Variants in ANXA13 observed in about 807,000 individuals in gnomAD.
The protein encoded by ANXA13 is annexin XIII.
Under a neutral mutation model 46.6 loss-of-function variants are expected in ANXA13, and 36 were observed. The ratio of observed to expected loss-of-function variants is 0.77; its 90% CI spans 0.59 to 1.02. ANXA13 has a LOEUF of 1.02. Ranked by LOEUF, ANXA13 falls within the 50% of genes least tolerant of loss-of-function variation. The probability of loss-of-function intolerance (pLI) is 0.00; values close to 1 mark genes in which losing one functional copy is unlikely to be tolerated. For synonymous variants in ANXA13, 163 were observed against 152.9 expected (o/e 1.07, Z -0.49); for missense variants, 417 against 396.5 (o/e 1.05, Z -0.44).
chr8:123,700,752 T>C (rs6470175), intron 3 of ANXA13, among the ~76,000 whole-genome samples: 69,562 of 151,714 alleles, frequency 0.46, 16,415 homozygotes, highest in African/African-American at 0.55. Context: ...TTCATTCTTT[T>C]GTTCTTTCTT....
chr8:123,736,372 A>G lies in ANXA13; in HGVS notation c.15+948T>C, dbSNP rs537751074. Among the ~76,000 whole-genome samples the G allele has an allele frequency of 2.2e-4, 34 of 151,254 alleles. No homozygotes were observed. The Middle Eastern group carries it at 0.014, about 61-fold the overall frequency. On this transcript the variant is annotated intron_variant, in intron 1 of 10. Coordinates refer to ENST00000419625, the MANE Select transcript of ANXA13 (RefSeq NM_004306.4). Reference sequence around the variant, plus strand: ...ATATACTTCAATGTAAAAAATATTCAAGATTCAACTCTGATCTGTCCTGTG... The same window carrying G: ...ATATACTTCAATGTAAAAAATATTCGAGATTCAACTCTGATCTGTCCTGTG...
intron 1 of ANXA13, among the ~76,000 whole-genome samples, chr8:123,731,035 T>C (rs570568295): frequency 2.6e-5 from 4 of 152,294 alleles, no homozygotes; most frequent in Admixed American, 2.6e-4. Context: ...AGCCTGGGCA[T>C]GGGAAAGGCT....
At chr8:123,688,813 C>A (rs1340642837) in intron 9 of ANXA13, 58 bp downstream of exon 9, 1 of 1,497,716 alleles carries the variant, frequency 6.7e-7, no homozygotes, top group Non-Finnish European at 9.3e-7. Flanking sequence ...AAACCTCTGT[C>A]TGAGTCTGGT....
intron 1 of ANXA13, among the ~76,000 whole-genome samples, chr8:123,729,869 A>G (rs1390136892): frequency 6.6e-6 from 1 of 152,204 alleles, no homozygotes; most frequent in East Asian, 1.9e-4. Flanking sequence ...AACAACTGTG[A>G]ACTCATACTT....
chr8:123,695,808 T>C, intron 4 of ANXA13, 87 bp from the exon 5 acceptor site: 1 of 1,199,690 alleles, frequency 8.3e-7, no homozygotes, highest in Non-Finnish European at 1.2e-6. Flanking sequence ...GGAGACCATG[T>C]CTGGACACAA....
At chr8:123,702,621 G>A (rs1195524160) in intron 3 of ANXA13, 21 bp downstream of exon 3, 2 of 1,605,714 alleles carry the variant, frequency 1.2e-6, no homozygotes, top group South Asian at 1.1e-5. Flanking sequence ...GTGCAAGCTT[G>A]CTGACCACCC....
intron 4 of ANXA13, among the ~76,000 whole-genome samples, chr8:123,696,065 C>A (rs1211026385): frequency 6.6e-6 from 1 of 152,124 alleles, no homozygotes; most frequent in Non-Finnish European, 1.5e-5. Context: ...ACTCAGGTAA[C>A]CCATGTTAGA....
intron 1 of ANXA13, among the ~76,000 whole-genome samples, chr8:123,729,697 C>T (rs1374219277): frequency 6.6e-6 from 1 of 152,138 alleles, no homozygotes; most frequent in Non-Finnish European, 1.5e-5. Flanking sequence ...TAGCTTGGGT[C>T]CCTAATGATG....
intron 1 of ANXA13, among the ~76,000 whole-genome samples, chr8:123,717,090 G>A (rs1025818785): frequency 6.6e-6 from 1 of 152,144 alleles, no homozygotes; most frequent in Non-Finnish European, 1.5e-5. Flanking sequence ...GATAAAAACA[G>A]CACAAGATAT....
Position 123,681,234 on chromosome 8 carries a change from C to T in ANXA13, c.*6G>A. The T allele has an allele frequency of 6.2e-7, 1 of 1,606,070 alleles. No homozygotes were observed. The highest frequency in any genetic ancestry group is 8.5e-7 in the Non-Finnish European group (1 of 1,176,176). ...CCACCCTGTGTTCCTATTGCCCTGG[C>T]TTGGCTCAGTGCAAGAGGGCTACTA... On this transcript the variant is annotated 3_prime_UTR_variant, in exon 11 of 11. Coordinates refer to ENST00000419625, the MANE Select transcript of ANXA13 (RefSeq NM_004306.4).
intron 2 of ANXA13, among the ~76,000 whole-genome samples, chr8:123,707,698 G>A (rs190585421): frequency 1.9e-4 from 29 of 152,188 alleles, no homozygotes; most frequent in Non-Finnish European, 4.3e-4. Context: ...CCTGTCAGGG[G>A]GTCAGGGGCA....
At chr8:123,728,467 G>A (rs894007521) in intron 1 of ANXA13, 3 of 152,154 alleles carry the variant, frequency 2.0e-5, no homozygotes, top group Non-Finnish European at 4.4e-5. Context: ...TATTGCCAAA[G>A]GTCGTCTTTT....
chr8:123,698,961 C>T (rs1340734732), intron 3 of ANXA13, among the ~76,000 whole-genome samples: 1 of 152,160 alleles, frequency 6.6e-6, no homozygotes, highest in East Asian at 1.9e-4. Context: ...GGGCTGTTAT[C>T]TCTAGGACTG....
At chr8:123,695,170 C>T (rs1309648606) in intron 6 of ANXA13, among the ~76,000 whole-genome samples, 1 of 152,110 alleles carries the variant, frequency 6.6e-6, no homozygotes, top group Admixed American at 6.6e-5. Context: ...CTGTCTCTTA[C>T]TGGCTGCATG....
In ANXA13 at chr8:123,681,192, T is replaced by C; in HGVS notation, c.*48A>G. 6.5e-7 allele frequency: 1 copy of C among 1,548,690 alleles called. No individual in the cohort carries two copies. Among genetic ancestry groups the C allele is most frequent in the South Asian group, 1.2e-5 (1 of 81,906 alleles). On this transcript the variant is annotated 3_prime_UTR_variant, in exon 11 of 11. Transcript: ENST00000419625. ...TTTGCAAGTTTGATTTGGAATGTGCTCTTGACAAAGGCGGTTCCACCCTGT... is the reference window on the plus strand; with the variant it reads ...TTTGCAAGTTTGATTTGGAATGTGCCCTTGACAAAGGCGGTTCCACCCTGT...
chr8:123,710,894 T>C (rs1813645982), intron 2 of ANXA13, among the ~76,000 whole-genome samples: 1 of 152,188 alleles, frequency 6.6e-6, no homozygotes, highest in African/African-American at 2.4e-5. Context: ...AGGAAATTAA[T>C]CCACTTTGCC....
At chr8:123,692,883 G>A (rs890602849) in intron 8 of ANXA13, among the ~76,000 whole-genome samples, 7 of 151,918 alleles carry the variant, frequency 4.6e-5, no homozygotes, top group African/African-American at 1.7e-4. Flanking sequence ...CGTCTGTTGT[G>A]AAGCCGGTTT....
intron 2 of ANXA13, among the ~76,000 whole-genome samples, chr8:123,707,642 C>T (rs1380666326): frequency 1.3e-5 from 2 of 151,942 alleles, no homozygotes; most frequent in South Asian, 2.1e-4. Flanking sequence ...GAGAGTTGAA[C>T]AATGAGAACA....
At chr8:123,712,860 G>GC (rs1480132818) in intron 1 of ANXA13, 107 bp from the exon 2 acceptor site, 10 of 939,752 alleles carry the variant, frequency 1.1e-5, no homozygotes, top group Middle Eastern at 4.2e-4. Context: ...CCTAACCAGG[G>GC]ACCAGCTGTC....
Sources: gnomAD v4.1 joint callset for allele counts (sites outside exome capture counted in the v4.1 genomes callset) on GRCh38, gnomAD v4.1.1 for gene constraint, MANE v1.5 for transcripts, NCBI Gene and HGNC (gene_info 2026-07-23, HGNC 2026-07-21) for gene names.